Variants in PPARGC1A observed in about 807,000 individuals in gnomAD.
PPARGC1A encodes PPARG coactivator 1 alpha, also known as peroxisome proliferator-activated receptor gamma coactivator 1-alpha.
Under a neutral mutation model 88.7 loss-of-function variants are expected in PPARGC1A, and 25 were observed. That is an observed-to-expected ratio of 0.28 (90% CI 0.21 to 0.39). The LOEUF is 0.39. PPARGC1A is among the 10% of genes least tolerant of loss of function. The pLI is 1.00. For synonymous variants in PPARGC1A, 363 were observed against 355.6 expected, an observed-to-expected ratio of 1.02 and a Z score of -0.24; for missense variants, 880 against 968.7, an observed-to-expected ratio of 0.91 and a Z score of 1.22.
chr4:24,221,014 T>A, the PPARGC1A span, among the ~76,000 whole-genome samples: 2 of 152,178 alleles, frequency 1.3e-5, no homozygotes, highest in East Asian at 3.8e-4. Context: ...ACATCTCCAA[T>A]ACCCACAAAA....
At chr4:23,970,901 A>T in the PPARGC1A span, among the ~76,000 whole-genome samples, 1 of 152,098 alleles carries the variant, frequency 6.6e-6, no homozygotes, top group African/African-American at 2.4e-5. Context: ...ACTTTTGTCT[A>T]TTTCCTAGTA....
chr4:23,886,024 C>T (rs568667304), intron 1 of PPARGC1A, among the ~76,000 whole-genome samples: 2 of 152,206 alleles, frequency 1.3e-5, no homozygotes, highest in African/African-American at 2.4e-5. Context: ...GAATTGGCTA[C>T]CTAACCGCTA....
upstream of PPARGC1A, among the ~76,000 whole-genome samples, chr4:23,908,045 A>G (rs1720269947): frequency 6.6e-6 from 1 of 152,164 alleles, no homozygotes; most frequent in South Asian, 2.1e-4. Flanking sequence ...AAAACTGAAA[A>G]CTTTGAAATG....
the PPARGC1A span, among the ~76,000 whole-genome samples, chr4:24,449,391 G>A: frequency 6.6e-6 from 1 of 152,178 alleles, no homozygotes; most frequent in Non-Finnish European, 1.5e-5. Flanking sequence ...ACTTCCTGTT[G>A]CTGATCATTG....
At chr4:23,965,885 C>T in the PPARGC1A span, among the ~76,000 whole-genome samples, 4 of 152,170 alleles carry the variant, frequency 2.6e-5, no homozygotes, top group Non-Finnish European at 5.9e-5. Context: ...TTTTATATCG[C>T]TTTTTATCTT....
At chr4:24,342,195 T>C in the PPARGC1A span, among the ~76,000 whole-genome samples, 1 of 152,206 alleles carries the variant, frequency 6.6e-6, no homozygotes, top group South Asian at 2.1e-4. Context: ...TAAATACTTA[T>C]TGACTGAACT....
At chr4:23,929,915 G>T in the PPARGC1A span, among the ~76,000 whole-genome samples, 1 of 152,088 alleles carries the variant, frequency 6.6e-6, no homozygotes, top group East Asian at 1.9e-4. Flanking sequence ...TATGAGGAGG[G>T]TATTATCATT....
At chr4:24,226,252 T>C in the PPARGC1A span, among the ~76,000 whole-genome samples, 1 of 152,118 alleles carries the variant, frequency 6.6e-6, no homozygotes, top group Non-Finnish European at 1.5e-5. Flanking sequence ...TCACAGGAAA[T>C]TGGAAATCTG....
the PPARGC1A span, among the ~76,000 whole-genome samples, chr4:23,956,752 G>A: frequency 1.3e-5 from 2 of 152,002 alleles, no homozygotes; most frequent in African/African-American, 4.8e-5. Context: ...GTGGTCCAAT[G>A]CACACATAAT....
At chr4:24,378,609 G>C in the PPARGC1A span, among the ~76,000 whole-genome samples, 1 of 152,080 alleles carries the variant, frequency 6.6e-6, no homozygotes, top group Non-Finnish European at 1.5e-5. Context: ...AAAAGATGGT[G>C]GTTATAAATG....
At chr4:23,982,058 C>T in the PPARGC1A span, among the ~76,000 whole-genome samples, 3 of 152,068 alleles carry the variant, frequency 2.0e-5, no homozygotes, top group South Asian at 2.1e-4. Flanking sequence ...CTTTTCATCT[C>T]GTTTCTCCCT....
At chr4:23,968,158 T>G in the PPARGC1A span, among the ~76,000 whole-genome samples, 1 of 152,172 alleles carries the variant, frequency 6.6e-6, no homozygotes, top group South Asian at 2.1e-4. Context: ...TAAGCCCCAC[T>G]GTCCTCAAGC....
the PPARGC1A span, among the ~76,000 whole-genome samples, chr4:24,129,481 G>A: frequency 3.9e-5 from 6 of 152,138 alleles, no homozygotes; most frequent in Non-Finnish European, 8.8e-5. Flanking sequence ...CTGTTTTGGA[G>A]AGGGTCAAAG....
chr4:23,938,945 G>A, the PPARGC1A span, among the ~76,000 whole-genome samples: 1 of 152,154 alleles, frequency 6.6e-6, no homozygotes, highest in Non-Finnish European at 1.5e-5. Flanking sequence ...TGCTCCCTTG[G>A]TGTCAGGGAG....
At chr4:23,856,256 C>A (rs1482433034) in intron 2 of PPARGC1A, among the ~76,000 whole-genome samples, 1 of 152,146 alleles carries the variant, frequency 6.6e-6, no homozygotes, top group African/African-American at 2.4e-5. Context: ...ACTTTTGCAG[C>A]CAGTATTCCA....
the PPARGC1A span, among the ~76,000 whole-genome samples, chr4:24,387,766 GAGAAAGAAAGAA>G: frequency 3.0e-3 from 154 of 51,968 alleles, no homozygotes; most frequent in African/African-American, 4.0e-3. Context: ...GAGAGAGAGA[GAGAAAGAAAGAA>G]AGAAAGAAAG....
intron 1 of PPARGC1A, among the ~76,000 whole-genome samples, chr4:23,896,893 G>A (rs1718667389): frequency 6.6e-6 from 1 of 152,152 alleles, no homozygotes; most frequent in African/African-American, 2.4e-5. Context: ...GGAGATGACT[G>A]AAATTGATTT....
the PPARGC1A span, among the ~76,000 whole-genome samples, chr4:24,463,477 A>C: frequency 6.6e-6 from 1 of 152,230 alleles, no homozygotes; most frequent in Non-Finnish European, 1.5e-5. Context: ...TTATTCTCCA[A>C]GTCAAATTCT....
chr4:23,796,706 T>C (rs1004956471), intron 12 of PPARGC1A, among the ~76,000 whole-genome samples: 3 of 152,152 alleles, frequency 2.0e-5, no homozygotes, highest in Non-Finnish European at 2.9e-5. Flanking sequence ...CATTGACTTC[T>C]ATGAAAAAGC....
Sources: allele counts gnomAD v4.1 joint callset (sites outside exome capture counted in the v4.1 genomes callset), GRCh38; gene constraint gnomAD v4.1.1; transcripts MANE v1.5; gene names NCBI Gene and HGNC (gene_info 2026-07-23, HGNC 2026-07-21).